The following VAV1 variants were observed in gnomAD, a reference collection of about 807,000 sequenced individuals.
VAV1 encodes vav guanine nucleotide exchange factor 1.
VAV1 carries 33 observed loss-of-function variants against 128.1 expected under a neutral mutation model. The ratio of observed to expected loss-of-function variants is 0.26; its 90% CI spans 0.20 to 0.34. VAV1 has a LOEUF of 0.34. Ranked by LOEUF, VAV1 falls within the 10% of genes least tolerant of loss-of-function variation. VAV1 has a pLI of 1.00. For synonymous variants in VAV1, 394 were observed against 409.8 expected (o/e 0.96, Z 0.47); for missense variants, 715 against 1,093.7 (o/e 0.65, Z 4.88).
At position 6,820,895 on chromosome 19, in the gene VAV1, C is replaced by A. The variant is rs761763104; in HGVS notation, c.321+77C>A. ...ACGTCTACACTGGGCAAGCTAAGGA[C>A]TGTCAGGGGACAGGCAGACAAGCCA... On this transcript the variant is annotated intron_variant, in intron 2 of 26. Coordinates refer to ENST00000602142, the MANE Select transcript of VAV1 (RefSeq NM_005428.4). The surrounding 1 kb of genome is among the most constrained non-coding windows in gnomAD (Gnocchi z 4.4). The A allele has an allele frequency of 4.3e-6, 6 of 1,391,496 alleles. No homozygotes were observed. The highest frequency in any genetic ancestry group is 6.1e-6 in the Non-Finnish European group (6 of 981,792). The allele number at this position is 1,391,496 out of a possible 1,614,324, so 86.2% of individuals were successfully genotyped here. A position where few individuals can be genotyped will look rare whatever the true frequency, so the allele number is the denominator to read the frequency against.
chr19:6,804,168 G>A (rs1266764983), intron 1 of VAV1, among the ~76,000 whole-genome samples: 2 of 151,764 alleles, frequency 1.3e-5, no homozygotes, highest in African/African-American at 4.8e-5. Flanking sequence ...CATCATACAT[G>A]TGTCCAAATC....
Position 6,822,226 on chromosome 19 carries a change from C to T in VAV1, c.455C>T (p.Thr152Met), listed in dbSNP as rs761012404. The T allele has an allele frequency of 7.6e-6, 12 of 1,579,692 alleles. 1 individual carries two copies. The highest frequency in any genetic ancestry group is 7.0e-5 in the South Asian group (6 of 86,144). Reference protein sequence around the residue: ...YSGLSDQIDDTVEEDEDLYDC... With the variant: ...YSGLSDQIDDMVEEDEDLYDC... ...CCTGACCTCACAACCCACAGCGACA[C>T]GGTGGAGGAGGATGAGGACCTGTAT... is the stretch of plus-strand genomic sequence containing the variant. Residue 152 changes from threonine (T) to methionine (M), a missense_variant, in exon 5 of 27, where the codon ACG becomes ATG. Around this residue, in one of 3 missense-constraint regions of VAV1, gnomAD observed 302 missense variants for 477.8 expected, o/e 0.63. Transcript: ENST00000602142. This position sits in a 1 kb window ranked among gnomAD's most constrained non-coding sequence, Gnocchi z 5.9.
At chr19:6,780,573 CTTTTTTTT>C (rs34155628) in intron 1 of VAV1, among the ~76,000 whole-genome samples, 5 of 128,922 alleles carry the variant, frequency 3.9e-5, no homozygotes, top group Admixed American at 2.4e-4. Flanking sequence ...TTTCTTTTTT[CTTTTTTTT>C]TTTTTTTTGG....
chr19:6,781,342 T>C lies in VAV1; in HGVS notation c.204+8331T>C, dbSNP rs964218781. ...GTTTCCATATGAATTATTTCAATTATACCACCACATGCCAGAGGACTGGCT... is the reference window on the plus strand; with the variant it reads ...GTTTCCATATGAATTATTTCAATTACACCACCACATGCCAGAGGACTGGCT... On this transcript the variant is annotated intron_variant, in intron 1 of 26. Transcript: ENST00000602142. Among the ~76,000 whole-genome samples the C allele has an allele frequency of 4.6e-5, 7 of 152,348 alleles. No individual in the cohort carries two copies. The East Asian group carries it at 1.3e-3, about 29-fold the overall frequency.
chr19:6,825,678 C>T lies in VAV1; in HGVS notation c.827+272C>T, dbSNP rs544637935. ...AGGCTGGTGGTGAGGGTTGACTATA[C>T]GGATGCACACAGGGCCTGGCACATA... is the stretch of plus-strand genomic sequence containing the variant. On this transcript the variant is annotated intron_variant, in intron 8 of 26. Transcript: ENST00000602142. Among the ~76,000 whole-genome samples, 82 of 152,260 alleles carry T rather than the reference C, an allele frequency of 5.4e-4. 1 individual carries two copies. Among genetic ancestry groups the T allele is most frequent in the Admixed American group, 4.8e-3 (74 of 15,294 alleles).
At chr19:6,802,270 A>G (rs1475108663) in intron 1 of VAV1, among the ~76,000 whole-genome samples, 1 of 152,118 alleles carries the variant, frequency 6.6e-6, no homozygotes, top group South Asian at 2.1e-4. Flanking sequence ...CAGCACACCA[A>G]CATGACACAT....
chr19:6,829,983 G>C, intron 14 of VAV1, 65 bp downstream of exon 14: 1 of 1,605,958 alleles, frequency 6.2e-7, no homozygotes, highest in East Asian at 2.2e-5. Context: ...CTCTCCACTT[G>C]GGCATGTGCC....
chr19:6,818,226 G>C (rs1971702920), intron 1 of VAV1, among the ~76,000 whole-genome samples: 1 of 152,190 alleles, frequency 6.6e-6, no homozygotes, highest in Admixed American at 6.5e-5. Flanking sequence ...AGGGTGGCTA[G>C]AGGAGGTCTC....
chr19:6,822,581 A>C lies in VAV1; in HGVS notation c.654+67A>C. Reference sequence around the variant, plus strand: ...GAGCTGGGCCGGCAGGTGCACGTCCACCTGTCCGGCCGCTCTGGGCAGCTG... The same window carrying C: ...GAGCTGGGCCGGCAGGTGCACGTCCCCCTGTCCGGCCGCTCTGGGCAGCTG... On this transcript the variant is annotated intron_variant, in intron 6 of 26. Transcript: ENST00000602142. The surrounding 1 kb of genome is among the most constrained non-coding windows in gnomAD (Gnocchi z 5.9). 3 of 1,421,988 alleles carry C rather than the reference A, an allele frequency of 2.1e-6. No individual in the cohort carries two copies. Among genetic ancestry groups the C allele is most frequent in the South Asian group, 1.2e-5 (1 of 80,660 alleles). 88.1% of individuals were successfully genotyped at this position (1,421,988 alleles called of 1,614,324 possible).
At chr19:6,816,074 C>G (rs1971638577) in intron 1 of VAV1, among the ~76,000 whole-genome samples, 1 of 145,182 alleles carries the variant, frequency 6.9e-6, no homozygotes, top group Non-Finnish European at 1.5e-5. Flanking sequence ...GGCTGGAGTG[C>G]AGTGGCGCAA....
At chr19:6,836,593 A>G (rs1356308969) in intron 20 of VAV1, 25 bp downstream of exon 20, 3 of 1,613,008 alleles carry the variant, frequency 1.9e-6, no homozygotes, top group South Asian at 2.2e-5. Flanking sequence ...CACAAGAGTG[A>G]TGGGGTGGGA....
intron 14 of VAV1, among the ~76,000 whole-genome samples, chr19:6,831,485 T>A (rs938918800): frequency 6.6e-6 from 1 of 152,134 alleles, no homozygotes; most frequent in Non-Finnish European, 1.5e-5. Flanking sequence ...CTAATTTTTT[T>A]GTATTTTTAG....
At chr19:6,778,826 T>C (rs879810881) in intron 1 of VAV1, among the ~76,000 whole-genome samples, 3 of 151,742 alleles carry the variant, frequency 2.0e-5, no homozygotes, top group Non-Finnish European at 2.9e-5. Context: ...GAGAATTGCT[T>C]GAGTTCAGGA....
Position 6,801,184 on chromosome 19 carries a change from G to A in VAV1, c.205-19518G>A, listed in dbSNP as rs1014374127. ...GGTTCTGGTGCTTGGCATACAGTAG[G>A]CATTCCACACATGCTTGCTGAATTA... On this transcript the variant is annotated intron_variant, in intron 1 of 26. Transcript: ENST00000602142. Among the ~76,000 whole-genome samples, 3 of 152,336 alleles carry A rather than the reference G, an allele frequency of 2.0e-5. 1 individual carries two copies. The South Asian group carries it at 6.2e-4, about 32-fold the overall frequency.
chr19:6,832,676 CCTCTTCTTTCTCTTCCTCCTCCCT>C (rs1972111113), intron 15 of VAV1, among the ~76,000 whole-genome samples: 1 of 143,674 alleles, frequency 7.0e-6, no homozygotes. Flanking sequence ...TCCTCTTCCT[CCTCTTCTTTCTCTTCCTCCTCCCT>C]TTCCTCCTCT....
intron 14 of VAV1, among the ~76,000 whole-genome samples, chr19:6,831,831 G>A (rs1034362470): frequency 3.3e-5 from 5 of 151,350 alleles, no homozygotes; most frequent in Non-Finnish European, 7.4e-5. Context: ...TGCTGTGTCT[G>A]GTGTGTGCTT....
chr19:6,839,123 G>A (rs1046346251), intron 21 of VAV1, among the ~76,000 whole-genome samples: 1 of 151,138 alleles, frequency 6.6e-6, no homozygotes, highest in African/African-American at 2.4e-5. Context: ...GGCTGGTCTC[G>A]AACTCCTGAC....
At chr19:6,798,172 G>A (rs1971182753) in intron 1 of VAV1, among the ~76,000 whole-genome samples, 1 of 152,028 alleles carries the variant, frequency 6.6e-6, no homozygotes, top group South Asian at 2.1e-4. Flanking sequence ...AGCTACTCAG[G>A]AGGTGGAGGC....
chr19:6,831,460 C>T (rs1479977621), intron 14 of VAV1, among the ~76,000 whole-genome samples: 1 of 152,002 alleles, frequency 6.6e-6, no homozygotes, highest in African/African-American at 2.4e-5. Flanking sequence ...TACAGGTGCC[C>T]GCCACCACGC....
Sources: gnomAD v4.1 joint callset for allele counts (sites outside exome capture counted in the v4.1 genomes callset) on GRCh38, gnomAD v4.1.1 for gene constraint, gnomAD v4.1.1 regional missense constraint, Gnocchi (gnomAD v3.1) non-coding constraint, MANE v1.5 for transcripts, NCBI Gene and HGNC (gene_info 2026-07-23, HGNC 2026-07-21) for gene names.